SEMG2: variants seen among roughly 807,000 people sequenced by gnomAD.
The protein encoded by SEMG2 is semenogelin-2.
SEMG2 carries 3 observed loss-of-function variants against 8.1 expected under a neutral mutation model. That is an observed-to-expected ratio of 0.37 (90% confidence interval 0.17 to 0.96). The LOEUF (loss-of-function observed/expected upper bound fraction) is 0.96. SEMG2 is among the 40% of genes least tolerant of loss of function. The pLI, the probability that SEMG2 is intolerant of heterozygous loss-of-function variation, is 0.41. For missense variants in SEMG2, 726 were observed against 671.2 expected, an observed-to-expected ratio of 1.08 and a Z score of -0.90; for synonymous variants, 252 against 231.4, an observed-to-expected ratio of 1.09 and a Z score of -0.81.
chr20:45,224,067 T>C (rs1332516668), intron 2 of SEMG2, among the ~76,000 whole-genome samples: 1 of 152,208 alleles, frequency 6.6e-6, no homozygotes, highest in African/African-American at 2.4e-5. Flanking sequence ...TTAACCTGGA[T>C]TGGGGAAATG....
chr20:45,222,196 T>G lies in SEMG2; in HGVS notation c.564T>G (p.Gly188=). 2 of 1,614,102 alleles carry G rather than the reference T, an allele frequency of 1.2e-6. No individual in the cohort carries two copies. Among genetic ancestry groups the G allele is most frequent in the Non-Finnish European group, 1.7e-6 (2 of 1,180,012 alleles). The change falls in exon 2 of 3, where the codon GGT becomes GGG. Residue 188 remains glycine, a synonymous_variant. Coordinates refer to ENST00000372769, the MANE Select transcript of SEMG2 (RefSeq NM_003008.3). Reference sequence around the variant, plus strand: ...GTGCACAAAAAGGTAGAACACAAGGTGGATCCCAAAGCAGTTATGTTCTCC... The same window carrying G: ...GTGCACAAAAAGGTAGAACACAAGGGGGATCCCAAAGCAGTTATGTTCTCC... ...ASGAQKGRTQ[G]GSQSSYVLQT... is the part of the protein sequence containing the mutation.
At position 45,222,308 on chromosome 20, in the gene SEMG2, G is replaced by T. The variant is rs368513832; in HGVS notation, c.676G>T (p.Val226Leu). Reference sequence around the variant, plus strand: ...AGGGCATTACCAAAATGTGGTTGACGTGAGAGAGGAACATTCAAGTAAACT... The same window carrying T: ...AGGGCATTACCAAAATGTGGTTGACTTGAGAGAGGAACATTCAAGTAAACT... ...NKGHYQNVVDVREEHSSKLQT... is the reference protein window; with the variant it reads ...NKGHYQNVVDLREEHSSKLQT... The change falls in exon 2 of 3, where the codon GTG (valine) becomes TTG (leucine). Residue 226 changes from valine (V) to leucine (L), a missense_variant. Val to Leu is a conservative substitution (Grantham distance 32). Coordinates refer to ENST00000372769, the MANE Select transcript of SEMG2 (RefSeq NM_003008.3). 2.4e-5 allele frequency: 39 copies of T among 1,613,992 alleles called. No individual in the cohort carries two copies. Among genetic ancestry groups the T allele is most frequent in the Admixed American group, 3.3e-5 (2 of 59,994 alleles).
In SEMG2 at chr20:45,223,255, A is replaced by G. The variant is rs370300716; in HGVS notation, c.1623A>G (p.Glu541=). 2.7e-4 allele frequency: 428 copies of G among 1,614,096 alleles called. 1 individual carries two copies. The highest frequency in any genetic ancestry group is 3.5e-4 in the Non-Finnish European group (413 of 1,180,028). Residue 541 remains glutamate (E), a synonymous_variant, in exon 2 of 3, where the codon GAA becomes GAG. Coordinates refer to ENST00000372769, the MANE Select transcript of SEMG2 (RefSeq NM_003008.3). ...ADSKQDLLSH[E]QKGRYKQESS... is the part of the protein sequence containing the mutation. Reference sequence around the variant, plus strand: ...GCAAACAAGACCTACTCAGTCATGAACAAAAAGGCAGATACAAACAGGAAT... The same window carrying G: ...GCAAACAAGACCTACTCAGTCATGAGCAAAAAGGCAGATACAAACAGGAAT...
rs750424738 is a variant in SEMG2 at position 45,222,002 on chromosome 20, C to T, written c.370C>T (p.His124Tyr). ...RDHDKSKGHF[H>Y]MIVIHHKGGQ... The stretch of plus-strand genomic sequence containing the variant: ...CCATGATAAATCAAAAGGTCATTTT[C>T]ACATGATAGTTATACATCATAAAGG... Residue 124 changes from histidine (H) to tyrosine (Y), a missense_variant, in exon 2 of 3, where the codon CAC (histidine) becomes TAC (tyrosine). Physicochemically the swap from His to Tyr is moderately conservative, Grantham distance 83. Coordinates refer to ENST00000372769, the MANE Select transcript of SEMG2 (RefSeq NM_003008.3). The T allele has an allele frequency of 1.9e-6, 3 of 1,614,090 alleles. No homozygotes were observed. Among genetic ancestry groups the T allele is most frequent in the East Asian group, 4.5e-5 (2 of 44,866 alleles).
chr20:45,221,867 AC>A lies in SEMG2; in HGVS notation c.238del (p.Arg80GlufsTer8). 6.2e-7 allele frequency: 1 copy of A among 1,614,098 alleles called. No individual in the cohort carries two copies. Among genetic ancestry groups the A allele is most frequent in the South Asian group, 1.1e-5 (1 of 91,006 alleles). On this transcript the variant is annotated frameshift_variant, in exon 2 of 3. Transcript: ENST00000372769. LOFTEE classifies it low-confidence loss of function (END_TRUNC). ...TGTAGACATCAATGATCATGACTGGACCCGAAAAAGTCAGCAATATGATTTG... is the reference window on the plus strand; with the variant it reads ...TGTAGACATCAATGATCATGACTGGACCGAAAAAGTCAGCAATATGATTTG... ...YHVDINDHDW[T>X]RKSQQYDLNA... is the part of the protein sequence containing the mutation.
Position 45,222,843 on chromosome 20 carries a change from A to C in SEMG2, c.1211A>C (p.Asn404Thr), listed in dbSNP as rs1449250798. The C allele has an allele frequency of 6.2e-7, 1 of 1,614,108 alleles. No individual in the cohort carries two copies. Among genetic ancestry groups the C allele is most frequent in the East Asian group, 2.2e-5 (1 of 44,882 alleles). Residue 404 changes from asparagine (N) to threonine (T), a missense_variant, in exon 2 of 3, where the codon AAT becomes ACT. By Grantham distance (65) the Asn-to-Thr change is moderately conservative (BLOSUM62 0). Coordinates refer to ENST00000372769, the MANE Select transcript of SEMG2 (RefSeq NM_003008.3). ...GCTCAAGAGTATGGCCATAAGGAAA[A>C]TAAAATATCATACCAATCTTCGAGT... ...SQAQEYGHKE[N>T]KISYQSSSTE... is the part of the protein sequence containing the mutation.
In SEMG2 at chr20:45,221,724, A is replaced by G. The variant is rs1264398648; in HGVS notation, c.92A>G (p.Gln31Arg). The G allele has an allele frequency of 1.2e-6, 2 of 1,608,512 alleles. No individual in the cohort carries two copies. Among genetic ancestry groups the G allele is most frequent in the African/African-American group, 1.3e-5 (1 of 74,666 alleles). The change falls in exon 2 of 3, where the codon CAA becomes CGA. Residue 31 changes from glutamine to arginine, a missense_variant. Gln to Arg is a conservative substitution (Grantham distance 43). Transcript: ENST00000372769. ...CAATTACCAGGTGGATCAAAAGGCC[A>G]ATTGCCAAGCGGATCTTCCCAATTT... ...VMGQKGGSKG[Q>R]LPSGSSQFPH...
rs374685603 is a variant in SEMG2, at chr20:45,223,349, T to C, written c.1717T>C (p.Tyr573His). Reference protein sequence around the residue: ...VAQDDHLTQQYNEDRNPIST With the variant: ...VAQDDHLTQQHNEDRNPIST ...CCAAGATGATCATTTGACACAACAA[T>C]ATAATGAAGACAGAAATCCAATATC... Residue 573 changes from tyrosine to histidine, a missense_variant, in exon 2 of 3, where the codon TAT becomes CAT. Transcript: ENST00000372769. 1.9e-6 allele frequency: 3 copies of C among 1,613,264 alleles called. No homozygotes were observed. Among genetic ancestry groups the C allele is most frequent in the African/African-American group, 1.3e-5 (1 of 74,890 alleles).
At position 45,222,358 on chromosome 20, in the gene SEMG2, T is replaced by G. The variant is rs1568840929; in HGVS notation, c.726T>G (p.His242Gln). Residue 242 changes from histidine to glutamine, a missense_variant, in exon 2 of 3, where the codon CAT (histidine) becomes CAG (glutamine). By Grantham distance (24) the His-to-Gln change is conservative (BLOSUM62 0). Coordinates refer to ENST00000372769, the MANE Select transcript of SEMG2 (RefSeq NM_003008.3). ...SKLQTSLHPA[H>Q]QDRLQHGPKD... ...TACAAACTTCACTCCATCCTGCACA[T>G]CAAGACAGACTCCAACATGGACCCA... is the stretch of plus-strand genomic sequence containing the variant. The G allele has an allele frequency of 6.2e-7, 1 of 1,614,104 alleles. No individual in the cohort carries two copies. The highest frequency in any genetic ancestry group is 1.7e-5 in the Admixed American group (1 of 60,024).
chr20:45,224,096 G>A (rs1467651130), intron 2 of SEMG2, among the ~76,000 whole-genome samples, 195 bp from the exon 3 acceptor site: 1 of 152,134 alleles, frequency 6.6e-6, no homozygotes, highest in African/African-American at 2.4e-5. Context: ...ATGCCCCTTT[G>A]CAATAAGTAA....
Position 45,222,334 on chromosome 20 carries a change from A to G in SEMG2, c.702A>G (p.Leu234=). 3 of 1,614,116 alleles carry G rather than the reference A, an allele frequency of 1.9e-6. No homozygotes were observed. Among genetic ancestry groups the G allele is most frequent in the Non-Finnish European group, 2.5e-6 (3 of 1,179,998 alleles). Residue 234 remains leucine, a synonymous_variant, in exon 2 of 3, where the codon CTA becomes CTG. Coordinates refer to ENST00000372769, the MANE Select transcript of SEMG2 (RefSeq NM_003008.3). ...VDVREEHSSK[L]QTSLHPAHQD... ...TGAGAGAGGAACATTCAAGTAAACT[A>G]CAAACTTCACTCCATCCTGCACATC...
chr20:45,221,484 C>G lies in SEMG2; in HGVS notation c.76+19C>G. 1 of 1,613,340 alleles carries G rather than the reference C, an allele frequency of 6.2e-7. No homozygotes were observed. The highest frequency in any genetic ancestry group is 8.5e-7 in the Non-Finnish European group (1 of 1,179,686). On this transcript the variant is annotated intron_variant, in intron 1 of 2. Coordinates refer to ENST00000372769, the MANE Select transcript of SEMG2 (RefSeq NM_003008.3). ...CAAAAAGGTGAGTGGAGAGGGTAAG[C>G]CTTGGGGAAAGCTACTTTAAAAAAA...
chr20:45,222,780 A>G lies in SEMG2; in HGVS notation c.1148A>G (p.His383Arg), dbSNP rs1206812691. 6.2e-7 allele frequency: 1 copy of G among 1,614,080 alleles called. No homozygotes were observed. Among genetic ancestry groups the G allele is most frequent in the Non-Finnish European group, 8.5e-7 (1 of 1,180,016 alleles). The stretch of plus-strand genomic sequence containing the variant: ...TCGATCCAAACTGAAGAGCAAATAC[A>G]TGGCAAGTCTCAAAACCAGGTAAGA... ...SISIQTEEQI[H>R]GKSQNQVRIP... Residue 383 changes from histidine (H) to arginine (R), a missense_variant, in exon 2 of 3, where the codon CAT becomes CGT. Coordinates refer to ENST00000372769, the MANE Select transcript of SEMG2 (RefSeq NM_003008.3).
Position 45,222,662 on chromosome 20 carries a change from A to G in SEMG2, c.1030A>G (p.Asn344Asp), listed in dbSNP as rs149376859. 2 of 1,613,746 alleles carry G rather than the reference A, an allele frequency of 1.2e-6. No homozygotes were observed. Among genetic ancestry groups the G allele is most frequent in the Non-Finnish European group, 1.7e-6 (2 of 1,179,878 alleles). The change falls in exon 2 of 3, where the codon AAT becomes GAT. Residue 344 changes from asparagine to aspartate, a missense_variant. Asn to Asp is a conservative substitution (Grantham distance 23). Transcript: ENST00000372769. ...SQDQEHGHKE[N>D]KISYQSSSTE... ...AGATCAAGAGCATGGCCATAAGGAAAATAAAATATCATACCAATCTTCAAG... is the reference window on the plus strand; with the variant it reads ...AGATCAAGAGCATGGCCATAAGGAAGATAAAATATCATACCAATCTTCAAG...
At position 45,223,342 on chromosome 20, in the gene SEMG2, A is replaced by G. The variant is rs755733037; in HGVS notation, c.1710A>G (p.Thr570=). The stretch of plus-strand genomic sequence containing the variant: ...AGGTTGCCCAAGATGATCATTTGAC[A>G]CAACAATATAATGAAGACAGAAATC... ...EHEVAQDDHL[T]QQYNEDRNPI... is the part of the protein sequence containing the mutation. Residue 570 remains threonine (T), a synonymous_variant, in exon 2 of 3, where the codon ACA becomes ACG. Coordinates refer to ENST00000372769, the MANE Select transcript of SEMG2 (RefSeq NM_003008.3). The G allele has an allele frequency of 2.5e-6, 4 of 1,613,846 alleles. No individual in the cohort carries two copies. The highest frequency in any genetic ancestry group is 2.2e-5 in the South Asian group (2 of 91,006).
rs1248711807 is a variant in SEMG2 at position 45,221,988 on chromosome 20, C to G, written c.356C>G (p.Ser119Ter). 6.2e-7 allele frequency: 1 copy of G among 1,613,892 alleles called. No homozygotes were observed. Among genetic ancestry groups the G allele is most frequent in the African/African-American group, 1.3e-5 (1 of 74,922 alleles). The change falls in exon 2 of 3, where the codon TCA becomes TGA. Residue 119 changes from serine (S) to a stop codon, truncating the protein, a stop_gained. Transcript: ENST00000372769. LOFTEE classifies it low-confidence loss of function (END_TRUNC). ...YKQEGRDHDK[S>*]KGHFHMIVIH... ...CAAGAAGGCAGAGACCATGATAAATCAAAAGGTCATTTTCACATGATAGTT... is the reference window on the plus strand; with the variant it reads ...CAAGAAGGCAGAGACCATGATAAATGAAAAGGTCATTTTCACATGATAGTT...
chr20:45,222,264 A>G lies in SEMG2; in HGVS notation c.632A>G (p.Lys211Arg), dbSNP rs1230098351. 1.9e-6 allele frequency: 3 copies of G among 1,614,104 alleles called. No individual in the cohort carries two copies. In the South Asian group the frequency reaches 3.3e-5, roughly 18 times the overall value. The change falls in exon 2 of 3, where the codon AAA becomes AGA. Residue 211 changes from lysine to arginine, a missense_variant. Transcript: ENST00000372769. ...GTTAACAAACAACAACGTGAGACTA[A>G]AAATTCTCATCAAAATAAAGGGCAT... is the stretch of plus-strand genomic sequence containing the variant. ...LVVNKQQRETKNSHQNKGHYQ... is the reference protein window; with the variant it reads ...LVVNKQQRETRNSHQNKGHYQ...
chr20:45,222,595 A>G lies in SEMG2; in HGVS notation c.963A>G (p.Lys321=). 3 of 1,614,170 alleles carry G rather than the reference A, an allele frequency of 1.9e-6. No homozygotes were observed. Among genetic ancestry groups the G allele is most frequent in the Non-Finnish European group, 2.5e-6 (3 of 1,180,026 alleles). ...GCATTTCTATCCAAACTGAAGAGAA[A>G]ATACATGGCAAGTCTCAAAACCAGG... ...KGSISIQTEE[K]IHGKSQNQVT... Residue 321 remains lysine, a synonymous_variant, in exon 2 of 3, where the codon AAA becomes AAG. Transcript: ENST00000372769.
In SEMG2 at chr20:45,222,454, T is replaced by G; in HGVS notation, c.822T>G (p.Ser274Arg). The G allele has an allele frequency of 6.2e-7, 1 of 1,614,002 alleles. No homozygotes were observed. The highest frequency in any genetic ancestry group is 8.5e-7 in the Non-Finnish European group (1 of 1,179,986). Residue 274 changes from serine to arginine, a missense_variant, in exon 2 of 3, where the codon AGT becomes AGG. Physicochemically the swap from Ser to Arg is moderately radical, Grantham distance 110 (BLOSUM62 -1). Transcript: ENST00000372769. ...NKNQHQTKNL[S>R]QDQEHGRKAH... ...ATCAACACCAGACAAAAAATCTCAG[T>G]CAAGATCAAGAGCATGGCCGGAAGG...
Sources: allele counts gnomAD v4.1 joint callset (sites outside exome capture counted in the v4.1 genomes callset), GRCh38; gene constraint gnomAD v4.1.1; transcripts MANE v1.5; gene names NCBI Gene and HGNC (gene_info 2026-07-23, HGNC 2026-07-21).